Variants in RBFOX1 observed in about 807,000 individuals in gnomAD.
RBFOX1 encodes RNA binding fox-1 homolog 1.
Under a neutral mutation model 57.7 loss-of-function variants are expected in RBFOX1, and 8 were observed. The observed-to-expected ratio is 0.14, with a 90% CI of 0.08 to 0.25. The LOEUF is 0.25. Among genes scored for constraint, RBFOX1 ranks in the 10% least tolerant of loss-of-function variants. The pLI, the probability that RBFOX1 is intolerant of heterozygous loss-of-function variation, is 1.00. For synonymous variants in RBFOX1, 326 were observed against 222.4 expected, an observed-to-expected ratio of 1.47 and a Z score of -4.15; for missense variants, 611 against 548.5, an observed-to-expected ratio of 1.11 and a Z score of -1.14.
At chr16:5,593,125 A>G (rs866103865) in intron 2 of RBFOX1, among the ~76,000 whole-genome samples, 1 of 151,788 alleles carries the variant, frequency 6.6e-6, no homozygotes, top group African/African-American at 2.4e-5. Context: ...GAGAAAGAAA[A>G]TGTGGCACAT....
At chr16:7,317,924 G>A (rs898682691) in intron 4 of RBFOX1, among the ~76,000 whole-genome samples, 1 of 152,156 alleles carries the variant, frequency 6.6e-6, no homozygotes, top group Non-Finnish European at 1.5e-5. Flanking sequence ...CAAACAGAAG[G>A]AGCTCAATAC....
At chr16:6,055,096 G>C (rs1259086301) in intron 1 of RBFOX1, among the ~76,000 whole-genome samples, 4 of 152,134 alleles carry the variant, frequency 2.6e-5, no homozygotes, top group Non-Finnish European at 5.9e-5. Context: ...TGAGGGTAGA[G>C]TGTTTCTTGT....
intron 4 of RBFOX1, among the ~76,000 whole-genome samples, chr16:7,454,227 C>T (rs548620314): frequency 1.3e-5 from 2 of 152,226 alleles, no homozygotes; most frequent in East Asian, 1.9e-4. Flanking sequence ...GGCGAGACTC[C>T]GTCCCCCACC....
intron 1 of RBFOX1, among the ~76,000 whole-genome samples, chr16:5,296,640 C>A (rs1274827547): frequency 1.3e-5 from 2 of 151,204 alleles, no homozygotes; most frequent in Non-Finnish European, 2.9e-5. Flanking sequence ...TTTTCCCCTC[C>A]TGCTGCTCCT....
chr16:6,019,575 C>G lies in RBFOX1; in HGVS notation c.-544C>G. 2 of 1,169,252 alleles carry G rather than the reference C, an allele frequency of 1.7e-6. No individual in the cohort carries two copies. Among genetic ancestry groups the G allele is most frequent in the South Asian group, 4.2e-5 (1 of 23,896 alleles). 72.4% of individuals were successfully genotyped at this position (1,169,252 alleles called of 1,614,324 possible). ...GGCGGCGGCACTGGCTGGACCCACG[C>G]GCGCGCCTCCGGGGCTGAAGAAGGA... On this transcript the variant is annotated 5_prime_UTR_variant, in exon 1 of 16. Coordinates refer to ENST00000550418, the MANE Select transcript of RBFOX1 (RefSeq NM_018723.4). This position sits in a 1 kb window ranked among gnomAD's most constrained non-coding sequence, Gnocchi z 4.2.
chr16:6,697,893 G>C (rs985618531), intron 3 of RBFOX1, among the ~76,000 whole-genome samples: 6 of 152,174 alleles, frequency 3.9e-5, no homozygotes, highest in African/African-American at 1.4e-4. Context: ...TCAAGGGTAG[G>C]ATGTGGCCAG....
chr16:5,993,495 G>T (rs1386111575), intron 4 of RBFOX1, among the ~76,000 whole-genome samples: 1 of 151,884 alleles, frequency 6.6e-6, no homozygotes, highest in Non-Finnish European at 1.5e-5. Context: ...GGTGAAGGAG[G>T]CAGAAAATAC....
chr16:6,379,681 CA>C (rs5815304), intron 2 of RBFOX1, among the ~76,000 whole-genome samples: 18,282 of 96,322 alleles, frequency 0.19, 1,249 homozygotes, highest in South Asian at 0.36. Flanking sequence ...ATTTAGCTAC[CA>C]AAAAAAAAAA....
At chr16:5,240,991 C>G (rs1290527258) in intron 1 of RBFOX1, among the ~76,000 whole-genome samples, 1 of 152,210 alleles carries the variant, frequency 6.6e-6, no homozygotes, top group Admixed American at 6.5e-5. Context: ...TGGGGTTGAC[C>G]TCTTTGTTCC....
intron 3 of RBFOX1, among the ~76,000 whole-genome samples, chr16:6,931,305 C>CTATG (rs2076480119): frequency 7.9e-6 from 1 of 125,854 alleles, no homozygotes; most frequent in Non-Finnish European, 1.6e-5. Flanking sequence ...GTCTATCTAT[C>CTATG]TATCTATCTA....
intron 3 of RBFOX1, among the ~76,000 whole-genome samples, chr16:7,028,753 G>A (rs534327316): frequency 1.2e-4 from 18 of 151,730 alleles, no homozygotes; most frequent in African/African-American, 2.9e-4. Context: ...TAATAGGGAC[G>A]TGGAGGTTCG....
At chr16:7,322,789 A>G (rs1158824906) in intron 4 of RBFOX1, among the ~76,000 whole-genome samples, 1 of 152,178 alleles carries the variant, frequency 6.6e-6, no homozygotes, top group Non-Finnish European at 1.5e-5. Context: ...CCTCAGCTTC[A>G]CAAAAAAAGG....
At chr16:6,824,169 C>T (rs1603629174) in intron 3 of RBFOX1, among the ~76,000 whole-genome samples, 2 of 152,208 alleles carry the variant, frequency 1.3e-5, no homozygotes, top group East Asian at 1.9e-4. Flanking sequence ...CTTTGGGAGG[C>T]CAGGGCGGGT....
chr16:5,479,352 C>G (rs2069441152), intron 2 of RBFOX1, among the ~76,000 whole-genome samples: 1 of 152,188 alleles, frequency 6.6e-6, no homozygotes, highest in African/African-American at 2.4e-5. Flanking sequence ...TTGCCTGAGG[C>G]CACACAGCTA....
At chr16:5,928,904 CT>C (rs1447223379) in intron 4 of RBFOX1, among the ~76,000 whole-genome samples, 21 of 151,948 alleles carry the variant, frequency 1.4e-4, no homozygotes, top group African/African-American at 4.6e-4. Flanking sequence ...TTCAAATAAG[CT>C]TTTGTAATTG....
chr16:7,122,845 C>G (rs1023626047), intron 4 of RBFOX1, among the ~76,000 whole-genome samples: 2 of 152,116 alleles, frequency 1.3e-5, no homozygotes, highest in Non-Finnish European at 2.9e-5. Flanking sequence ...ATTACATGTA[C>G]ACGTGGAATA....
At chr16:6,383,616 T>TA (rs1402691226) in intron 2 of RBFOX1, among the ~76,000 whole-genome samples, 2 of 151,740 alleles carry the variant, frequency 1.3e-5, no homozygotes, top group Non-Finnish European at 2.9e-5. Flanking sequence ...CTACTGAAAA[T>TA]ACAAAAATTA....
chr16:6,665,637 AAAGAAG>A (rs1006097057), intron 3 of RBFOX1, among the ~76,000 whole-genome samples: 6 of 130,396 alleles, frequency 4.6e-5, no homozygotes, highest in Admixed American at 2.4e-4. Flanking sequence ...AAAAAAAAAA[AAAGAAG>A]AAGGAGGGAG....
chr16:7,004,182 A>G (rs1464232514), intron 3 of RBFOX1: 1 of 152,152 alleles, frequency 6.6e-6, no homozygotes, highest in Non-Finnish European at 1.5e-5. Context: ...AATGATGCAT[A>G]GAAGAATCTG....
Sources: gnomAD v4.1 joint callset for allele counts (sites outside exome capture counted in the v4.1 genomes callset) on GRCh38, gnomAD v4.1.1 for gene constraint, Gnocchi (gnomAD v3.1) non-coding constraint, MANE v1.5 for transcripts, NCBI Gene and HGNC (gene_info 2026-07-23, HGNC 2026-07-21) for gene names.